Variants in GALNT14 observed in about 807,000 individuals in gnomAD.
GALNT14 encodes the protein UDP-GalNAc:polypeptide N-acetylgalactosaminyltransferase 14.
GALNT14 carries 60 observed loss-of-function variants against 77.5 expected under a neutral mutation model. The ratio of observed to expected loss-of-function variants is 0.77; its 90% confidence interval spans 0.63 to 0.96. The LOEUF (loss-of-function observed/expected upper bound fraction) is 0.96, where lower values mean the gene tolerates loss of function less well. Among genes scored for constraint, GALNT14 ranks in the 40% least tolerant of loss-of-function variants. The pLI is 0.00. For missense variants in GALNT14, 710 were observed against 731.0 expected (o/e 0.97, Z 0.33); for synonymous variants, 280 against 281.7 (o/e 0.99, Z 0.06).
At chr2:31,084,654 T>C (rs1315302968) in intron 1 of GALNT14, among the ~76,000 whole-genome samples, 1 of 152,192 alleles carries the variant, frequency 6.6e-6, no homozygotes, top group Non-Finnish European at 1.5e-5. Context: ...AGCAGCCTAA[T>C]GCAAGTCATT....
intron 1 of GALNT14, among the ~76,000 whole-genome samples, chr2:31,115,082 A>G (rs1046569443): frequency 6.6e-6 from 1 of 152,010 alleles, no homozygotes; most frequent in African/African-American, 2.4e-5. Context: ...CCCCATCTCT[A>G]CTAAATAAAT....
chr2:30,945,441 A>C (rs1666629441), intron 7 of GALNT14, among the ~76,000 whole-genome samples: 1 of 152,194 alleles, frequency 6.6e-6, no homozygotes, highest in Non-Finnish European at 1.5e-5. Flanking sequence ...TAACAGAATA[A>C]TCACGTCTCT....
intron 1 of GALNT14, among the ~76,000 whole-genome samples, chr2:31,111,061 A>G (rs1041998193): frequency 6.6e-6 from 1 of 152,180 alleles, no homozygotes; most frequent in Non-Finnish European, 1.5e-5. Context: ...TAGAGGATTT[A>G]AAACAACAGG....
At position 30,929,225 on chromosome 2, in the gene GALNT14, C is replaced by T. The variant is rs537751280; in HGVS notation, c.1151+170G>A. Among the ~76,000 whole-genome samples, 34 of 152,336 alleles carry T rather than the reference C, an allele frequency of 2.2e-4. No individual in the cohort carries two copies. In the East Asian group the frequency reaches 4.5e-3, roughly 20 times the overall value. ...CACAAGAGCTGCCTAAAGCCCTGCA[C>T]ATCCAGAGCTGGGCAGGAGCTCTGA... is the stretch of plus-strand genomic sequence containing the variant. On this transcript the variant is annotated intron_variant, in intron 11 of 14. Transcript: ENST00000349752.
chr2:31,134,957 G>T (rs1225420252), intron 1 of GALNT14, among the ~76,000 whole-genome samples: 5 of 152,200 alleles, frequency 3.3e-5, no homozygotes, highest in Non-Finnish European at 7.3e-5. Context: ...TTGTGCAGTT[G>T]TGAGTATTAA....
intron 3 of GALNT14, among the ~76,000 whole-genome samples, 168 bp from the exon 4 acceptor site, chr2:30,958,632 G>C (rs1230337176): frequency 1.3e-5 from 2 of 152,092 alleles, no homozygotes; most frequent in Admixed American, 1.3e-4. Flanking sequence ...ATGTAATTCT[G>C]CCTTCACCAT....
intron 13 of GALNT14, among the ~76,000 whole-genome samples, chr2:30,922,097 G>T (rs1308207427): frequency 6.6e-6 from 1 of 152,182 alleles, no homozygotes; most frequent in African/African-American, 2.4e-5. Context: ...GGAGAAGGGG[G>T]TCACATGGAG....
At chr2:30,938,216 T>C (rs1032059838) in intron 9 of GALNT14, among the ~76,000 whole-genome samples, 9 of 151,944 alleles carry the variant, frequency 5.9e-5, no homozygotes, top group Admixed American at 3.3e-4. Context: ...CATTTTAAAT[T>C]CAGGAATCCC....
At chr2:30,935,916 A>G (rs1572994679) in intron 9 of GALNT14, among the ~76,000 whole-genome samples, 1 of 152,186 alleles carries the variant, frequency 6.6e-6, no homozygotes. Flanking sequence ...TCGAGGCTGC[A>G]GCACCTGCAC....
At chr2:30,925,813 G>C (rs1665337022) in intron 11 of GALNT14, among the ~76,000 whole-genome samples, 1 of 152,194 alleles carries the variant, frequency 6.6e-6, no homozygotes, top group Admixed American at 6.5e-5. Context: ...TTTGTACTTT[G>C]AGAGCATTTC....
At chr2:30,989,962 C>G (rs903888440) in intron 2 of GALNT14, among the ~76,000 whole-genome samples, 6 of 151,898 alleles carry the variant, frequency 4.0e-5, no homozygotes, top group Non-Finnish European at 7.4e-5. Flanking sequence ...AAGGCTTGGC[C>G]TTGTCCTGTT....
intron 1 of GALNT14, among the ~76,000 whole-genome samples, chr2:31,045,773 G>GATTTTAACTGGCC (rs1302551952): frequency 6.6e-6 from 1 of 152,078 alleles, no homozygotes; most frequent in Non-Finnish European, 1.5e-5. Context: ...TTGATAAGCC[G>GATTTTAACTGGCC]ATTTTAACTG....
At position 31,129,377 on chromosome 2, in the gene GALNT14, T is replaced by G. The variant is rs929985591; in HGVS notation, c.129+8581A>C. The G allele has an allele frequency of 6.1e-6, 6 of 985,300 alleles. No individual in the cohort carries two copies. In the East Asian group the frequency reaches 3.4e-4, roughly 56 times the overall value. 61.0% of individuals were successfully genotyped at this position (985,300 alleles called of 1,614,324 possible). ...AAGTGGTGGGGAAAAAAGCTACCTC[T>G]TATCTTCTTTTCCTGATTCACCCTT... On this transcript the variant is annotated intron_variant, in intron 1 of 14. Coordinates refer to ENST00000349752, the MANE Select transcript of GALNT14 (RefSeq NM_024572.4).
intron 1 of GALNT14, among the ~76,000 whole-genome samples, chr2:31,080,805 G>C (rs542120111): frequency 1.3e-5 from 2 of 152,292 alleles, no homozygotes; most frequent in African/African-American, 4.8e-5. Flanking sequence ...GTGAATAGGG[G>C]AAATGCACTT....
At chr2:31,034,799 T>C (rs1428164371) in intron 1 of GALNT14, among the ~76,000 whole-genome samples, 1 of 152,238 alleles carries the variant, frequency 6.6e-6, no homozygotes, top group African/African-American at 2.4e-5. Context: ...TGTGTTTTTG[T>C]TTTTGTTTGT....
intron 1 of GALNT14, among the ~76,000 whole-genome samples, chr2:31,029,097 G>T (rs1460138499): frequency 6.6e-6 from 1 of 152,126 alleles, no homozygotes; most frequent in African/African-American, 2.4e-5. Flanking sequence ...CGTGCAGAGG[G>T]AAGAAAATTG....
intron 1 of GALNT14, among the ~76,000 whole-genome samples, chr2:31,070,949 G>T (rs867897669): frequency 1.4e-4 from 21 of 152,260 alleles, no homozygotes; most frequent in Middle Eastern, 3.4e-3. Flanking sequence ...TAGAACCAGG[G>T]TCATGGGATT....
intron 1 of GALNT14, among the ~76,000 whole-genome samples, chr2:31,123,633 G>A (rs73924416): frequency 0.011 from 1,643 of 152,296 alleles, 29 homozygotes; most frequent in African/African-American, 0.038. Flanking sequence ...AAGCAGCCCT[G>A]TGGAATAACA....
intron 1 of GALNT14, among the ~76,000 whole-genome samples, chr2:31,008,926 C>G (rs950731199): frequency 1.6e-4 from 24 of 152,136 alleles, no homozygotes; most frequent in Non-Finnish European, 3.1e-4. Context: ...GGATGCCAGA[C>G]AAGCATGAGA....
Sources: allele counts gnomAD v4.1 joint callset (sites outside exome capture counted in the v4.1 genomes callset), GRCh38; gene constraint gnomAD v4.1.1; transcripts MANE v1.5; gene names NCBI Gene and HGNC (gene_info 2026-07-23, HGNC 2026-07-21).